The following TSNAX variants were observed in gnomAD, a reference collection of about 807,000 sequenced individuals.
The protein encoded by TSNAX is translin associated factor X.
Under a neutral mutation model 33.0 loss-of-function variants are expected in TSNAX, and 12 were observed. The ratio of observed to expected loss-of-function variants is 0.36; its 90% CI spans 0.23 to 0.59. The LOEUF is 0.59. TSNAX is among the 20% of genes least tolerant of loss of function. TSNAX has a pLI of 0.74. For synonymous variants in TSNAX, 110 were observed against 117.2 expected, an observed-to-expected ratio of 0.94 and a Z score of 0.40; for missense variants, 267 against 341.3, an observed-to-expected ratio of 0.78 and a Z score of 1.72.
chr1:231,533,908 T>A lies in TSNAX; in HGVS notation c.122-3305T>A, dbSNP rs112725076. Among the ~76,000 whole-genome samples the A allele has an allele frequency of 2.6e-3, 402 of 152,340 alleles. 1 individual carries two copies. Among genetic ancestry groups the A allele is most frequent in the African/African-American group, 9.2e-3 (383 of 41,586 alleles). ...GTATTGTTAACTAATTTCAGGAGAT[T>A]TAACACTGACATAATACTTTAATCT... is the stretch of plus-strand genomic sequence containing the variant. On this transcript the variant is annotated intron_variant, in intron 2 of 5. Coordinates refer to ENST00000366639, the MANE Select transcript of TSNAX (RefSeq NM_005999.3).
At chr1:231,531,485 C>T (rs756464951) in intron 2 of TSNAX, among the ~76,000 whole-genome samples, 21 of 152,182 alleles carry the variant, frequency 1.4e-4, no homozygotes, top group Non-Finnish European at 2.8e-4. Flanking sequence ...ATCTCTGTCC[C>T]TCATACAGGA....
intron 4 of TSNAX, among the ~76,000 whole-genome samples, chr1:231,560,418 C>CACT (rs1491555734): frequency 1.4e-5 from 1 of 73,122 alleles, no homozygotes; most frequent in African/African-American, 6.1e-5. Context: ...CCCCCCCCCC[C>CACT]TTTTTTTTTT....
chr1:231,537,946 A>G (rs1435262361), intron 3 of TSNAX, among the ~76,000 whole-genome samples: 1 of 152,162 alleles, frequency 6.6e-6, no homozygotes, highest in Non-Finnish European at 1.5e-5. Flanking sequence ...TATTAGATAA[A>G]TGTTAAAATC....
In TSNAX at chr1:231,560,135, A is replaced by T. The variant is rs563917889; in HGVS notation, c.368-993A>T. Among the ~76,000 whole-genome samples the T allele has an allele frequency of 2.6e-5, 4 of 151,172 alleles. No homozygotes were observed. In the South Asian group the frequency reaches 8.3e-4, roughly 31 times the overall value. ...GCTGGGACTACAGGCGCCCGCCACC[A>T]CGCCCGGCTAAGTTTTTTTATTTTT... On this transcript the variant is annotated intron_variant, in intron 4 of 5. Transcript: ENST00000366639.
chr1:231,528,958 T>A, intron 1 of TSNAX, 132 bp downstream of exon 1: 1 of 1,248,358 alleles, frequency 8.0e-7, no homozygotes, highest in Non-Finnish European at 1.2e-6. Flanking sequence ...GCCCCTCTGT[T>A]TCTCTCCCCG....
At chr1:231,539,336 T>G (rs1232190483) in intron 3 of TSNAX, among the ~76,000 whole-genome samples, 3 of 152,172 alleles carry the variant, frequency 2.0e-5, no homozygotes, top group Non-Finnish European at 4.4e-5. Flanking sequence ...TGGAAGTGTT[T>G]TGGATTTCGG....
intron 2 of TSNAX, among the ~76,000 whole-genome samples, chr1:231,531,543 A>G (rs1658718423): frequency 2.6e-5 from 4 of 152,348 alleles, no homozygotes; most frequent in African/African-American, 7.2e-5. Flanking sequence ...CTTTGTGTTC[A>G]TAGTGTCTGA....
At chr1:231,559,838 C>T (rs1205469951) in intron 4 of TSNAX, among the ~76,000 whole-genome samples, 2 of 151,142 alleles carry the variant, frequency 1.3e-5, no homozygotes, top group African/African-American at 4.9e-5. Flanking sequence ...TCTTAAACTA[C>T]CAAAGCAGAA....
intron 2 of TSNAX, chr1:231,534,342 A>T (rs1428945502): frequency 2.0e-5 from 3 of 152,174 alleles, no homozygotes; most frequent in Non-Finnish European, 4.4e-5. Context: ...TATATTTTAG[A>T]AATGTCACTC....
chr1:231,543,680 T>C (rs1450616345), intron 4 of TSNAX, among the ~76,000 whole-genome samples: 1 of 152,196 alleles, frequency 6.6e-6, no homozygotes, highest in Admixed American at 6.5e-5. Flanking sequence ...AATGTTGATA[T>C]GTCTTCTAAT....
chr1:231,553,756 G>C (rs1434443796), intron 4 of TSNAX, among the ~76,000 whole-genome samples: 1 of 148,736 alleles, frequency 6.7e-6, no homozygotes, highest in Non-Finnish European at 1.5e-5. Context: ...GCGAGATCTC[G>C]GCTCACCACA....
rs1168436174 is a variant in TSNAX at position 231,566,502 on chromosome 1, A to G, written c.*1597A>G. On this transcript the variant is annotated 3_prime_UTR_variant, in exon 6 of 6. Coordinates refer to ENST00000366639, the MANE Select transcript of TSNAX (RefSeq NM_005999.3). ...TTCCAGAAAAACACCTAAAGAAAAT[A>G]AAACATGGACATGCCTAGTAAATTC... The G allele has an allele frequency of 6.6e-6, 1 of 152,226 alleles. No individual in the cohort carries two copies. The highest frequency in any genetic ancestry group is 2.4e-5 in the African/African-American group (1 of 41,468). The allele number at this position is 152,226 out of a possible 1,614,324, so 9.4% of individuals were successfully genotyped here. A position where few individuals can be genotyped will look rare whatever the true frequency, so the allele number is the denominator to read the frequency against.
chr1:231,559,786 CT>C (rs1660926874), intron 4 of TSNAX, among the ~76,000 whole-genome samples: 1 of 151,200 alleles, frequency 6.6e-6, no homozygotes, highest in South Asian at 2.1e-4. Context: ...AGGGTTGTTT[CT>C]GTCTTGTACA....
At chr1:231,556,416 A>G (rs1473541628) in intron 4 of TSNAX, among the ~76,000 whole-genome samples, 1 of 152,244 alleles carries the variant, frequency 6.6e-6, no homozygotes, top group Admixed American at 6.5e-5. Flanking sequence ...CAGAAATGCT[A>G]TTTGTTTCTG....
chr1:231,545,796 G>A (rs1255217282), intron 4 of TSNAX, among the ~76,000 whole-genome samples: 1 of 152,084 alleles, frequency 6.6e-6, no homozygotes, highest in Non-Finnish European at 1.5e-5. Context: ...TATGTTTTTA[G>A]CCACTATTCT....
At position 231,529,221 on chromosome 1, in the gene TSNAX, G is replaced by A. The variant is rs946385023; in HGVS notation, c.17-34G>A. On this transcript the variant is annotated intron_variant, in intron 1 of 5. Transcript: ENST00000366639. The stretch of plus-strand genomic sequence containing the variant: ...TGTGTTTTGCAAACTCTTGGTGATG[G>A]AAGATCCCTCTCTTTTTTTCTTCTC... 2.5e-6 allele frequency: 4 copies of A among 1,602,944 alleles called. No individual in the cohort carries two copies. In the African/African-American group the frequency reaches 4.0e-5, roughly 16 times the overall value.
At position 231,528,755 on chromosome 1, in the gene TSNAX, C is replaced by G; in HGVS notation, c.-56C>G. The G allele has an allele frequency of 6.2e-7, 1 of 1,612,126 alleles. No homozygotes were observed. On this transcript the variant is annotated 5_prime_UTR_variant, in exon 1 of 6. Coordinates refer to ENST00000366639, the MANE Select transcript of TSNAX (RefSeq NM_005999.3). ...GTTCCCTCGGCCTGTACCTCGCGCA[C>G]TCCTCTTGCTCCAGGTCCTTCAGTC...
chr1:231,561,323 T>G (rs1159434655), intron 5 of TSNAX, 68 bp downstream of exon 5: 7 of 1,237,114 alleles, frequency 5.7e-6, no homozygotes, highest in Non-Finnish European at 7.9e-6. Flanking sequence ...TTCTAGTAGA[T>G]TTACTGGCTT....
chr1:231,539,875 C>A (rs1004382592), intron 3 of TSNAX, among the ~76,000 whole-genome samples: 1 of 151,992 alleles, frequency 6.6e-6, no homozygotes, highest in Non-Finnish European at 1.5e-5. Context: ...TTAGAAACTT[C>A]AGGAAAGTAA....
Sources: allele counts gnomAD v4.1 joint callset (sites outside exome capture counted in the v4.1 genomes callset), GRCh38; gene constraint gnomAD v4.1.1; transcripts MANE v1.5; gene names NCBI Gene and HGNC (gene_info 2026-07-23, HGNC 2026-07-21).